Variants in IPO11 observed in about 807,000 individuals in gnomAD.
The protein encoded by IPO11 is importin 11.
Under a neutral mutation model 143.2 loss-of-function variants are expected in IPO11, and 66 were observed. The observed-to-expected ratio is 0.46, with a 90% CI of 0.38 to 0.57. The LOEUF is 0.57. Among genes scored for constraint, IPO11 ranks in the 20% least tolerant of loss-of-function variants. The pLI is 0.00. For missense variants in IPO11, 1,026 were observed against 1,141.0 expected (o/e 0.90, Z 1.45); for synonymous variants, 385 against 377.8 (o/e 1.02, Z -0.22).
In IPO11 at chr5:62,604,539, A is replaced by AT. The variant is rs1459196746; in HGVS notation, c.2763+2700dup. Among the ~76,000 whole-genome samples the AT allele has an allele frequency of 7.6e-3, 1,142 of 150,854 alleles. 14 individuals carry two copies. The highest frequency in any genetic ancestry group is 0.025 in the African/African-American group (1,010 of 41,148). On this transcript the variant is annotated intron_variant, in intron 29 of 29. Transcript: ENST00000325324. Reference sequence around the variant, plus strand: ...GTGGTATCTTAAATACGTGGAAAGTATTTTTTTTTGCACCTACAGTAATAA... The same window carrying AT: ...GTGGTATCTTAAATACGTGGAAAGTATTTTTTTTTTGCACCTACAGTAATAA...
At chr5:62,491,666 G>GTT (rs372842718) in intron 15 of IPO11, among the ~76,000 whole-genome samples, 110 of 140,040 alleles carry the variant, frequency 7.9e-4, no homozygotes, top group African/African-American at 1.7e-3. Flanking sequence ...ATATTAATAA[G>GTT]TTTTTTTTTT....
At chr5:62,586,802 T>TATATATATATATATATATATATA (rs1744811320) in intron 27 of IPO11, among the ~76,000 whole-genome samples, 1 of 136,114 alleles carries the variant, frequency 7.3e-6, no homozygotes, top group African/African-American at 2.8e-5. Context: ...TATATATATA[T>TATATATATATATATATATATATA]TCATGATTAC....
intron 5 of IPO11, among the ~76,000 whole-genome samples, chr5:62,461,109 CTT>C (rs1318004948): frequency 1.3e-5 from 2 of 152,118 alleles, no homozygotes; most frequent in Admixed American, 6.5e-5. Context: ...ATAAGACAGA[CTT>C]TATTCAGATG....
intron 27 of IPO11, among the ~76,000 whole-genome samples, chr5:62,587,410 A>G (rs1315592616): frequency 2.0e-5 from 3 of 152,140 alleles, no homozygotes; most frequent in East Asian, 1.9e-4. Flanking sequence ...ACTGTGTAGA[A>G]AGGATGTATG....
chr5:62,466,314 A>C lies in IPO11; in HGVS notation c.517-817A>C, dbSNP rs117945373. Among the ~76,000 whole-genome samples, 4 of 152,338 alleles carry C rather than the reference A, an allele frequency of 2.6e-5. No homozygotes were observed. The East Asian group carries it at 7.7e-4, about 29-fold the overall frequency. ...TAACAAATGGAAATTTGATTTTTTC[A>C]TAGAAACATGATTTTAACAGGATTG... On this transcript the variant is annotated intron_variant, in intron 5 of 29. Coordinates refer to ENST00000325324, the MANE Select transcript of IPO11 (RefSeq NM_016338.5).
intron 1 of IPO11, among the ~76,000 whole-genome samples, chr5:62,430,162 G>T (rs921232363): frequency 1.3e-5 from 2 of 152,180 alleles, no homozygotes; most frequent in African/African-American, 4.8e-5. Context: ...ACGAGTTTTT[G>T]TATGGACATA....
At chr5:62,623,151 G>C (rs1746433997) in intron 29 of IPO11, among the ~76,000 whole-genome samples, 1 of 152,148 alleles carries the variant, frequency 6.6e-6, no homozygotes, top group Non-Finnish European at 1.5e-5. Context: ...AGTCAGAAAA[G>C]AAGGGAATTT....
chr5:62,614,059 G>A (rs10051492), intron 29 of IPO11, among the ~76,000 whole-genome samples: 105,741 of 152,116 alleles, frequency 0.7, 37,140 homozygotes, highest in African/African-American at 0.78. Flanking sequence ...TTTCTTTTTC[G>A]CATGTGCATT....
At chr5:62,438,758 A>T (rs925885196) in intron 2 of IPO11, among the ~76,000 whole-genome samples, 1 of 147,948 alleles carries the variant, frequency 6.8e-6, no homozygotes, top group Non-Finnish European at 1.5e-5. Flanking sequence ...ATCTCAAAAA[A>T]AAAAGGGGGG....
chr5:62,562,726 G>A (rs1176035357), intron 27 of IPO11, among the ~76,000 whole-genome samples: 1 of 152,116 alleles, frequency 6.6e-6, no homozygotes, highest in Admixed American at 6.5e-5. Flanking sequence ...AGTGACTTAA[G>A]TCCAGTTTTA....
At chr5:62,523,381 A>G (rs1216753729) in intron 20 of IPO11, among the ~76,000 whole-genome samples, 1 of 152,184 alleles carries the variant, frequency 6.6e-6, no homozygotes, top group African/African-American at 2.4e-5. Context: ...TATAGGGGGA[A>G]CTGGTCAGGA....
chr5:62,495,830 A>G (rs1004631062), intron 16 of IPO11, among the ~76,000 whole-genome samples: 13 of 152,226 alleles, frequency 8.5e-5, no homozygotes, highest in African/African-American at 2.9e-4. Context: ...AGGAAAGAGA[A>G]AAATGAATTA....
intron 27 of IPO11, among the ~76,000 whole-genome samples, chr5:62,590,284 A>C (rs892768907): frequency 6.6e-6 from 1 of 152,158 alleles, no homozygotes; most frequent in African/African-American, 2.4e-5. Flanking sequence ...AAAACTAATA[A>C]ATCAGGGCTT....
At chr5:62,598,893 A>G (rs1340865505) in intron 28 of IPO11, among the ~76,000 whole-genome samples, 1 of 152,024 alleles carries the variant, frequency 6.6e-6, no homozygotes, top group Non-Finnish European at 1.5e-5. Flanking sequence ...TTACATAGCC[A>G]TAAAAAAAAT....
At chr5:62,594,359 T>C (rs924438929) in intron 28 of IPO11, among the ~76,000 whole-genome samples, 2 of 152,282 alleles carry the variant, frequency 1.3e-5, no homozygotes, top group African/African-American at 2.4e-5. Context: ...TGGACCTCCA[T>C]TGAGTACAGA....
chr5:62,575,339 T>C (rs1406621680), intron 27 of IPO11, among the ~76,000 whole-genome samples: 1 of 152,246 alleles, frequency 6.6e-6, no homozygotes, highest in Non-Finnish European at 1.5e-5. Flanking sequence ...AGATGTTTTA[T>C]ATTCTGAACC....
chr5:62,450,979 A>C (rs1367979896), intron 4 of IPO11, among the ~76,000 whole-genome samples: 12 of 152,180 alleles, frequency 7.9e-5, no homozygotes. Flanking sequence ...CTTTCTTGAC[A>C]AAGGAGCTGA....
At chr5:62,553,940 A>C (rs1369826222) in intron 26 of IPO11, among the ~76,000 whole-genome samples, 1 of 152,082 alleles carries the variant, frequency 6.6e-6, no homozygotes, top group Non-Finnish European at 1.5e-5. Flanking sequence ...CATGTTGGCC[A>C]GACTCATCTC....
At chr5:62,438,563 A>G (rs1217616880) in intron 2 of IPO11, among the ~76,000 whole-genome samples, 1 of 148,276 alleles carries the variant, frequency 6.7e-6, no homozygotes, top group Non-Finnish European at 1.5e-5. Context: ...GACCAGCCTG[A>G]CTGACATGCT....
Sources: gnomAD v4.1 joint callset for allele counts (sites outside exome capture counted in the v4.1 genomes callset) on GRCh38, gnomAD v4.1.1 for gene constraint, MANE v1.5 for transcripts, NCBI Gene and HGNC (gene_info 2026-07-23, HGNC 2026-07-21) for gene names.